The following RAP1GAP variants were observed in gnomAD, a reference collection of about 807,000 sequenced individuals.
RAP1GAP encodes rap1 GTPase-activating protein 1.
Under a neutral mutation model 87.2 loss-of-function variants are expected in RAP1GAP, and 35 were observed. The observed-to-expected ratio is 0.40, with a 90% CI of 0.31 to 0.53. The LOEUF (loss-of-function observed/expected upper bound fraction) is 0.53. Ranked by LOEUF, RAP1GAP falls within the 20% of genes least tolerant of loss-of-function variation. The probability of loss-of-function intolerance (pLI) is 0.48; values close to 1 mark genes in which losing one functional copy is unlikely to be tolerated. For missense variants in RAP1GAP, 734 were observed against 898.9 expected (o/e 0.82, Z 2.35); for synonymous variants, 375 against 363.9 (o/e 1.03, Z -0.35).
intron 1 of RAP1GAP, among the ~76,000 whole-genome samples, chr1:21,664,286 G>T: frequency 6.6e-6 from 1 of 152,134 alleles, no homozygotes. Context: ...CAGGCGAGGG[G>T]GCCATCCTTA....
chr1:21,659,071 A>C (rs941845939), intron 1 of RAP1GAP, among the ~76,000 whole-genome samples: 1 of 151,702 alleles, frequency 6.6e-6, no homozygotes, highest in Non-Finnish European at 1.5e-5. Context: ...GGCCCAGCTA[A>C]TTTTTGTATT....
At chr1:21,644,637 C>T (rs951799745) in intron 2 of RAP1GAP, among the ~76,000 whole-genome samples, 3 of 152,074 alleles carry the variant, frequency 2.0e-5, no homozygotes, top group African/African-American at 4.8e-5. Flanking sequence ...CGGTGGCTCA[C>T]GTCTATAATC....
At chr1:21,616,148 C>T (rs1476441130) in intron 7 of RAP1GAP, among the ~76,000 whole-genome samples, 2 of 30,934 alleles carry the variant, frequency 6.5e-5, no homozygotes, top group Non-Finnish European at 1.4e-4. Flanking sequence ...CACACACACA[C>T]ACACACACAC....
intron 2 of RAP1GAP, among the ~76,000 whole-genome samples, chr1:21,646,714 C>T (rs2096082702): frequency 6.6e-6 from 1 of 152,216 alleles, no homozygotes. Context: ...CTACCTCCCA[C>T]CATCCATTTG....
intron 1 of RAP1GAP, among the ~76,000 whole-genome samples, chr1:21,667,334 G>A (rs3753779): frequency 2.0e-5 from 3 of 152,346 alleles, no homozygotes; most frequent in East Asian, 3.9e-4. Context: ...GAGGCCAAAG[G>A]AAGAATCCTT....
intron 13 of RAP1GAP, 22 bp downstream of exon 13, chr1:21,611,430 C>G (rs1161859715): frequency 6.2e-7 from 1 of 1,604,692 alleles, no homozygotes; most frequent in East Asian, 2.2e-5. Flanking sequence ...AGACAGGAGG[C>G]AGGTGGGGGT....
In RAP1GAP at chr1:21,601,347, C is replaced by T. The variant is rs192864363; in HGVS notation, c.1652+337G>A. 2.0e-5 allele frequency among the ~76,000 whole-genome samples: 3 copies of T among 152,220 alleles called. No homozygotes were observed. The East Asian group carries it at 5.8e-4, about 29-fold the overall frequency. On this transcript the variant is annotated intron_variant, in intron 20 of 24. Transcript: ENST00000374765. ...AGGACCCATCTAAAACACCTCTGCC[C>T]CCAGTCCCTCTTCATCCCCCCAACC...
chr1:21,650,379 AG>A (rs2096467610), intron 1 of RAP1GAP, among the ~76,000 whole-genome samples: 7 of 151,792 alleles, frequency 4.6e-5, no homozygotes, highest in Non-Finnish European at 7.4e-5. Context: ...GGGGTACCCC[AG>A]ACTTTGTCTC....
chr1:21,617,628 C>A (rs988054721), intron 6 of RAP1GAP, 137 bp from the exon 7 acceptor site: 43 of 1,077,474 alleles, frequency 4.0e-5, no homozygotes, highest in Non-Finnish European at 3.1e-5. Context: ...CTGTGTGGGC[C>A]CCAGGGTTCT....
chr1:21,651,455 A>T (rs1244886403), intron 1 of RAP1GAP: 1 of 583,302 alleles, frequency 1.7e-6, no homozygotes, highest in Non-Finnish European at 3.4e-6. Flanking sequence ...CAGGCGGAGT[A>T]GCCCCGCAGC....
At position 21,613,303 on chromosome 1, in the gene RAP1GAP, T is replaced by G. The variant is rs2079632196; in HGVS notation, c.475-74A>C. ...GAGGATGGGGCTGCCTGGGCCTCCC[T>G]GGTCAAGGTCTGGGGAGGAGCCATG... On this transcript the variant is annotated intron_variant, in intron 9 of 24. Transcript: ENST00000374765. The surrounding 1 kb of genome is among the most constrained non-coding windows in gnomAD (Gnocchi z 4.7). 8.8e-6 allele frequency: 12 copies of G among 1,362,628 alleles called. No individual in the cohort carries two copies. The highest frequency in any genetic ancestry group is 1.3e-5 in the Non-Finnish European group (12 of 952,528). 84.4% of individuals were successfully genotyped at this position (1,362,628 alleles called of 1,614,324 possible).
chr1:21,628,707 A>C (rs1402042248), intron 2 of RAP1GAP, among the ~76,000 whole-genome samples: 1 of 150,976 alleles, frequency 6.6e-6, no homozygotes, highest in East Asian at 1.9e-4. Flanking sequence ...CGACAGAGTG[A>C]GACTCCATCT....
chr1:21,643,031 T>G (rs1302198976), intron 2 of RAP1GAP, among the ~76,000 whole-genome samples: 1 of 152,038 alleles, frequency 6.6e-6, no homozygotes, highest in African/African-American at 2.4e-5. Context: ...ATCTCCCTAG[T>G]CAGCACATGT....
At chr1:21,598,208 C>G in intron 22 of RAP1GAP, 144 bp from the exon 23 acceptor site, 1 of 765,078 alleles carries the variant, frequency 1.3e-6, no homozygotes, top group Non-Finnish European at 2.1e-6. Context: ...TCCTCCGAGA[C>G]CCTTCCGGAA....
intron 16 of RAP1GAP, 25 bp downstream of exon 16, chr1:21,608,825 C>G: frequency 6.3e-7 from 1 of 1,597,614 alleles, no homozygotes; most frequent in Non-Finnish European, 8.6e-7. Context: ...AAGAGGGTCA[C>G]CCAGCCCTCA....
At chr1:21,651,593 AACAC>A (rs760377854) in intron 1 of RAP1GAP, 2 of 696,874 alleles carry the variant, frequency 2.9e-6, no homozygotes, top group Non-Finnish European at 5.3e-6. Context: ...CAGAAACAGA[AACAC>A]ACACACACAG....
intron 1 of RAP1GAP, chr1:21,651,848 GC>G (rs1173312877): frequency 8.9e-7 from 1 of 1,118,544 alleles, no homozygotes; most frequent in Non-Finnish European, 1.1e-6. Context: ...GCCCGGCCCG[GC>G]CCGCGCGAGC....
At position 21,613,290 on chromosome 1, in the gene RAP1GAP, G is replaced by T. The variant is rs2079627489; in HGVS notation, c.475-61C>A. ...GGGCCAGGGAGGAGAGGATGGGGCT[G>T]CCTGGGCCTCCCTGGTCAAGGTCTG... On this transcript the variant is annotated intron_variant, in intron 9 of 24. Coordinates refer to ENST00000374765, the MANE Select transcript of RAP1GAP (RefSeq NM_002885.4). This position sits in a 1 kb window ranked among gnomAD's most constrained non-coding sequence, Gnocchi z 4.7. 3 of 1,424,366 alleles carry T rather than the reference G, an allele frequency of 2.1e-6. No individual in the cohort carries two copies. Among genetic ancestry groups the T allele is most frequent in the Admixed American group, 1.7e-5 (1 of 59,614 alleles). 88.2% of individuals were successfully genotyped at this position (1,424,366 alleles called of 1,614,324 possible). A position where few individuals can be genotyped will look rare whatever the true frequency, so the allele number is the denominator to read the frequency against.
Position 21,622,734 on chromosome 1 carries a change from C to A in RAP1GAP, c.-18-2684G>T, listed in dbSNP as rs752946674. ...CTAGAAGCTTTGGGTGCGTCGGGCT[C>A]CCCGAGGGGGCCCCCCACTCGGTTC... On this transcript the variant is annotated intron_variant, in intron 3 of 24. Coordinates refer to ENST00000374765, the MANE Select transcript of RAP1GAP (RefSeq NM_002885.4). This position sits in a 1 kb window ranked among gnomAD's most constrained non-coding sequence, Gnocchi z 5.7. 3.4e-4 allele frequency among the ~76,000 whole-genome samples: 51 copies of A among 151,732 alleles called. No homozygotes were observed. The highest frequency in any genetic ancestry group is 6.8e-4 in the Non-Finnish European group (46 of 67,930).
Sources: allele counts gnomAD v4.1 joint callset (sites outside exome capture counted in the v4.1 genomes callset), GRCh38; gene constraint gnomAD v4.1.1; non-coding constraint Gnocchi (gnomAD v3.1); transcripts MANE v1.5; gene names NCBI Gene and HGNC (gene_info 2026-07-23, HGNC 2026-07-21).